Variants in DNAH7 observed in about 807,000 individuals in gnomAD.
DNAH7 encodes the protein dynein axonemal heavy chain 7, also known as axonemal beta dynein heavy chain 7.
Under a neutral mutation model 444.6 loss-of-function variants are expected in DNAH7, and 397 were observed. The observed-to-expected ratio is 0.89, with a 90% CI of 0.82 to 0.97. DNAH7 has a LOEUF of 0.97. Among genes scored for constraint, DNAH7 ranks in the 50% least tolerant of loss-of-function variants. The pLI is 0.00. For missense variants in DNAH7, 4,902 were observed against 4,800.8 expected (o/e 1.02, Z -0.62); for synonymous variants, 1,636 against 1,624.4 (o/e 1.01, Z -0.17).
chr2:195,987,158 C>T lies in DNAH7; in HGVS notation c.1662G>A (p.Glu554=). The change falls in exon 14 of 65, where the codon GAG becomes GAA. Residue 554 remains glutamate (E), a synonymous_variant. Coordinates refer to ENST00000312428, the MANE Select transcript of DNAH7 (RefSeq NM_018897.3). ...IRLGMFEMHC[E]ELIRALVKRA... is the part of the protein sequence containing the mutation. ...GCTTCACCAAAGCTCTGATTAATTC[C>T]TCACAGTGCATTTCAAACATTCCTA... The T allele has an allele frequency of 6.2e-7, 1 of 1,604,182 alleles. No individual in the cohort carries two copies. Among genetic ancestry groups the T allele is most frequent in the Non-Finnish European group, 8.5e-7 (1 of 1,175,848 alleles).
At chr2:195,996,357 A>T (rs1693695118) in intron 12 of DNAH7, among the ~76,000 whole-genome samples, 1 of 152,182 alleles carries the variant, frequency 6.6e-6, no homozygotes, top group African/African-American at 2.4e-5. Flanking sequence ...TTAACAGTTT[A>T]TCTCCTTTTC....
intron 10 of DNAH7, among the ~76,000 whole-genome samples, chr2:196,006,663 C>A (rs750090778): frequency 6.6e-6 from 1 of 150,914 alleles, no homozygotes; most frequent in African/African-American, 2.4e-5. Flanking sequence ...AGAATCCACA[C>A]GCAAAAACCA....
chr2:196,047,507 TAAAAC>T lies in DNAH7; in HGVS notation c.251-13_251-9del. On this transcript the variant is annotated splice_polypyrimidine_tract_variant and intron_variant, in intron 4 of 64. Transcript: ENST00000312428. ...AACGTTCCATGTATTCAGCTTAAAT[TAAAAC>T]AAAAAAAAAAGCACAATTATTCATC... 1 of 1,525,192 alleles carries T rather than the reference TAAAAC, an allele frequency of 6.6e-7. No homozygotes were observed. Among genetic ancestry groups the T allele is most frequent in the Non-Finnish European group, 8.8e-7 (1 of 1,135,912 alleles). 94.5% of individuals were successfully genotyped at this position (1,525,192 alleles called of 1,614,324 possible). A position where few individuals can be genotyped will look rare whatever the true frequency, so the allele number is the denominator to read the frequency against.
chr2:196,039,089 C>G (rs1696568464), intron 5 of DNAH7, among the ~76,000 whole-genome samples: 1 of 152,132 alleles, frequency 6.6e-6, no homozygotes. Context: ...TTCTTCTCAT[C>G]AGTGCATGGA....
chr2:195,740,228 G>A (rs866021471), intron 64 of DNAH7, among the ~76,000 whole-genome samples: 5 of 152,024 alleles, frequency 3.3e-5, no homozygotes, highest in Non-Finnish European at 5.9e-5. Context: ...CAGGTGATCC[G>A]TCTGCCTTGG....
chr2:195,909,406 G>A (rs1453530007), intron 25 of DNAH7, among the ~76,000 whole-genome samples: 1 of 151,966 alleles, frequency 6.6e-6, no homozygotes, highest in Non-Finnish European at 1.5e-5. Flanking sequence ...GATGTTTATA[G>A]GTTTATAGGC....
Position 196,000,781 on chromosome 2 carries a change from A to C in DNAH7, c.1276T>G (p.Phe426Val). The C allele has an allele frequency of 4.4e-6, 7 of 1,604,164 alleles. No individual in the cohort carries two copies. The highest frequency in any genetic ancestry group is 6.0e-6 in the Non-Finnish European group (7 of 1,174,666). Reference sequence around the variant, plus strand: ...ATCATGACGTCATAAACATTTAGAAAGATATCTATATAGTCACTCAACTCA... The same window carrying C: ...ATCATGACGTCATAAACATTTAGAACGATATCTATATAGTCACTCAACTCA... ...EPELSDYIDI[F>V]LNVYDVMIKA... Residue 426 changes from phenylalanine (F) to valine (V), a missense_variant, in exon 12 of 65, where the codon TTT (phenylalanine) becomes GTT (valine). Phe to Val is a conservative substitution (Grantham distance 50). Transcript: ENST00000312428.
At chr2:195,837,540 T>C (rs1461552968) in intron 47 of DNAH7, among the ~76,000 whole-genome samples, 1 of 152,166 alleles carries the variant, frequency 6.6e-6, no homozygotes, top group Non-Finnish European at 1.5e-5. Flanking sequence ...TTTTCTGGCT[T>C]AGTGGGGGAA....
intron 45 of DNAH7, among the ~76,000 whole-genome samples, chr2:195,853,916 C>G (rs1699545644): frequency 6.6e-6 from 1 of 152,084 alleles, no homozygotes; most frequent in African/African-American, 2.4e-5. Context: ...CCTCATTTAA[C>G]TTATATCATG....
At chr2:196,022,271 T>C (rs1210543197) in intron 8 of DNAH7, among the ~76,000 whole-genome samples, 2 of 152,212 alleles carry the variant, frequency 1.3e-5, no homozygotes, top group African/African-American at 4.8e-5. Flanking sequence ...TGGCAATTTT[T>C]AAAAATAAGA....
At chr2:195,847,291 C>A (rs182893735) in intron 46 of DNAH7, among the ~76,000 whole-genome samples, 2 of 151,684 alleles carry the variant, frequency 1.3e-5, no homozygotes, top group African/African-American at 2.4e-5. Flanking sequence ...TACATATACA[C>A]CATGGAATAC....
intron 58 of DNAH7, among the ~76,000 whole-genome samples, chr2:195,786,009 A>T (rs934372616): frequency 4.6e-5 from 7 of 152,216 alleles, no homozygotes; most frequent in Non-Finnish European, 1.0e-4. Context: ...TCAAATTTAG[A>T]TGCTGCAGAA....
rs1400154187 is a variant in DNAH7, at chr2:195,771,767, T to C, written c.11326A>G (p.Thr3776Ala). ...ACAGTGTTCATGCTCTGAGTATAAG[T>C]TGTTGGGTACCTCCTCATGGCAGCC... ...IEAAMRRYPTTYTQSMNTVLV... is the reference protein window; with the variant it reads ...IEAAMRRYPTAYTQSMNTVLV... The change falls in exon 61 of 65, where the codon ACT becomes GCT. Residue 3776 changes from threonine to alanine, a missense_variant. Thr to Ala is a moderately conservative substitution (Grantham distance 58). Coordinates refer to ENST00000312428, the MANE Select transcript of DNAH7 (RefSeq NM_018897.3). The C allele has an allele frequency of 5.6e-6, 9 of 1,614,060 alleles. No homozygotes were observed. The African/African-American group carries it at 9.3e-5, about 17-fold the overall frequency.
rs1325309647 is a variant in DNAH7 at position 195,954,453 on chromosome 2, G to A, written c.3078+2808C>T. Among the ~76,000 whole-genome samples the A allele has an allele frequency of 2.6e-5, 4 of 152,318 alleles. No homozygotes were observed. The East Asian group carries it at 7.7e-4, about 29-fold the overall frequency. On this transcript the variant is annotated intron_variant, in intron 19 of 64. Transcript: ENST00000312428. ...TGATGGACACTTGGGTTGGTTCCAA[G>A]TCTTTGCTATTGTGAATAGTGCCAC...
At chr2:195,906,511 A>C (rs957813444) in intron 27 of DNAH7, 148 bp downstream of exon 27, 12 of 542,152 alleles carry the variant, frequency 2.2e-5, no homozygotes, top group Non-Finnish European at 3.3e-5. Context: ...GGCTGGTCTC[A>C]AACACCTGAG....
At position 195,900,614 on chromosome 2, in the gene DNAH7, G is replaced by A. The variant is rs917039282; in HGVS notation, c.4336-120C>T. The A allele has an allele frequency of 1.3e-5, 12 of 909,794 alleles. No homozygotes were observed. In the South Asian group the frequency reaches 1.6e-4, roughly 12 times the overall value. The allele number at this position is 909,794 out of a possible 1,614,324, so 56.4% of individuals were successfully genotyped here. A position where few individuals can be genotyped will look rare whatever the true frequency, so the allele number is the denominator to read the frequency against. On this transcript the variant is annotated intron_variant, in intron 27 of 64. Transcript: ENST00000312428. Reference sequence around the variant, plus strand: ...GGCTAAAAAAGTTTATCTCATAGAAGTAGAGAGTAAAATAGTGGTAACTAG... The same window carrying A: ...GGCTAAAAAAGTTTATCTCATAGAAATAGAGAGTAAAATAGTGGTAACTAG...
At chr2:195,870,481 C>T (rs1246498210) in intron 40 of DNAH7, among the ~76,000 whole-genome samples, 1 of 152,188 alleles carries the variant, frequency 6.6e-6, no homozygotes, top group Non-Finnish European at 1.5e-5. Context: ...ATGCCAAATG[C>T]TTCCTCGTGA....
Position 195,833,707 on chromosome 2 carries a change from G to C in DNAH7, c.9100+499C>G, listed in dbSNP as rs956721306. ...TATAATCTCTTTATTTTAGATGGCAGATAATAACCAGGCACATAAAATCTG... is the reference window on the plus strand; with the variant it reads ...TATAATCTCTTTATTTTAGATGGCACATAATAACCAGGCACATAAAATCTG... On this transcript the variant is annotated intron_variant, in intron 48 of 64. Coordinates refer to ENST00000312428, the MANE Select transcript of DNAH7 (RefSeq NM_018897.3). 3.9e-5 allele frequency among the ~76,000 whole-genome samples: 6 copies of C among 152,276 alleles called. No homozygotes were observed. In the East Asian group the frequency reaches 9.6e-4, roughly 24 times the overall value.
chr2:195,858,916 T>C, intron 42 of DNAH7, 112 bp from the exon 43 acceptor site: 2 of 843,244 alleles, frequency 2.4e-6, no homozygotes, highest in South Asian at 1.8e-5. Flanking sequence ...AACTACGGAG[T>C]GGTCTAAAAG....
Sources: allele counts gnomAD v4.1 joint callset (sites outside exome capture counted in the v4.1 genomes callset), GRCh38; gene constraint gnomAD v4.1.1; transcripts MANE v1.5; gene names NCBI Gene and HGNC (gene_info 2026-07-23, HGNC 2026-07-21).